The following XRN2 variants were observed in gnomAD, a reference collection of about 807,000 sequenced individuals.
XRN2 encodes the protein 5'-3' exoribonuclease 2.
XRN2 carries 44 observed loss-of-function variants against 138.5 expected under a neutral mutation model. The observed-to-expected ratio is 0.32, with a 90% CI of 0.25 to 0.41. The LOEUF is 0.41. Ranked by LOEUF, XRN2 falls within the 10% of genes least tolerant of loss-of-function variation. The probability of loss-of-function intolerance (pLI) is 1.00; values close to 1 mark genes in which losing one functional copy is unlikely to be tolerated. For missense variants in XRN2, 937 were observed against 1,169.3 expected (o/e 0.80, Z 2.90); for synonymous variants, 354 against 369.4 (o/e 0.96, Z 0.48).
At chr20:21,357,479 C>T (rs897668883) in intron 23 of XRN2, among the ~76,000 whole-genome samples, 1 of 152,066 alleles carries the variant, frequency 6.6e-6, no homozygotes, top group Non-Finnish European at 1.5e-5. Context: ...GGTGGATGCT[C>T]ATTGACATCT....
intron 9 of XRN2, 57 bp from the exon 10 acceptor site, chr20:21,333,487 G>A: frequency 6.3e-7 from 1 of 1,575,426 alleles, no homozygotes; most frequent in Non-Finnish European, 8.7e-7. Flanking sequence ...TTGCTTGGTT[G>A]GAAAAAATTA....
chr20:21,353,811 C>CCTGGG (rs2038543282), intron 20 of XRN2, among the ~76,000 whole-genome samples: 1 of 120,424 alleles, frequency 8.3e-6, no homozygotes, highest in African/African-American at 2.9e-5. Flanking sequence ...AAAAAAAAAA[C>CCTGGG]AACTGTTACT....
At chr20:21,359,896 C>T (rs1400495040) in intron 24 of XRN2, among the ~76,000 whole-genome samples, 2 of 151,780 alleles carry the variant, frequency 1.3e-5, no homozygotes, top group African/African-American at 2.4e-5. Flanking sequence ...TTTCCTCTTC[C>T]TTATTTAAAT....
At chr20:21,340,241 G>C (rs370951252) in intron 14 of XRN2, among the ~76,000 whole-genome samples, 34 of 152,246 alleles carry the variant, frequency 2.2e-4, no homozygotes, top group African/African-American at 8.2e-4. Flanking sequence ...GTTGCAGTGA[G>C]TGGAGATTGC....
At chr20:21,360,573 T>TAC (rs2038626862) in intron 24 of XRN2, among the ~76,000 whole-genome samples, 1 of 152,174 alleles carries the variant, frequency 6.6e-6, no homozygotes, top group Non-Finnish European at 1.5e-5. Flanking sequence ...CGTAAACTTT[T>TAC]TTCTTCAGAG....
chr20:21,328,728 G>A, intron 4 of XRN2, 58 bp downstream of exon 4: 1 of 1,493,122 alleles, frequency 6.7e-7, no homozygotes, highest in Non-Finnish European at 9.2e-7. Context: ...AGAATGAGGG[G>A]GTGGTGGCAA....
intron 27 of XRN2, 100 bp downstream of exon 27, chr20:21,368,690 G>A (rs1308384374): frequency 3.4e-6 from 5 of 1,470,702 alleles, no homozygotes; most frequent in Admixed American, 4.4e-5. Context: ...TTGTATCAGT[G>A]CAGACAGTGA....
At position 21,366,218 on chromosome 20, in the gene XRN2, T is replaced by TTA. The variant is rs533971795; in HGVS notation, c.2456+526_2456+527dup. 3.1e-3 allele frequency among the ~76,000 whole-genome samples: 398 copies of TTA among 127,768 alleles called. 5 individuals are homozygous for TTA. Among genetic ancestry groups the TTA allele is most frequent in the African/African-American group, 9.3e-3 (325 of 34,910 alleles). The allele number at this position is 127,768 out of a possible 152,430, so 83.8% of individuals were successfully genotyped here. A position where few individuals can be genotyped will look rare whatever the true frequency, so the allele number is the denominator to read the frequency against. On this transcript the variant is annotated intron_variant, in intron 26 of 29. Transcript: ENST00000377191. ...TTATAGTTTATATATATAATATAGTTTATATATATATATTATATATATAAA... is the reference window on the plus strand; with the variant it reads ...TTATAGTTTATATATATAATATAGTTTATATATATATATATTATATATATAAA...
In XRN2 at chr20:21,381,991, C is replaced by T. The variant is rs757764277; in HGVS notation, c.2585-3C>T. 1 of 1,603,130 alleles carries T rather than the reference C, an allele frequency of 6.2e-7. No individual in the cohort carries two copies. Among genetic ancestry groups the T allele is most frequent in the Non-Finnish European group, 8.5e-7 (1 of 1,174,932 alleles). On this transcript the variant is annotated splice_region_variant and splice_polypyrimidine_tract_variant and intron_variant, in intron 27 of 29. Transcript: ENST00000377191. The stretch of plus-strand genomic sequence containing the variant: ...TCTTAACCCTTTCCTGTTTCTTTTT[C>T]AGATATGAGGCCCCAGGATTCCTGG...
At chr20:21,369,408 T>C (rs1360856558) in intron 27 of XRN2, among the ~76,000 whole-genome samples, 1 of 152,230 alleles carries the variant, frequency 6.6e-6, no homozygotes, top group Non-Finnish European at 1.5e-5. Flanking sequence ...CGTACTGATT[T>C]CCCTGTTTTG....
chr20:21,349,594 T>C, intron 20 of XRN2, 133 bp downstream of exon 20: 2 of 768,780 alleles, frequency 2.6e-6, no homozygotes, highest in Non-Finnish European at 2.1e-6. Context: ...AATACAAAAA[T>C]TAGCCTGGCG....
Position 21,344,162 on chromosome 20 carries a change from A to G in XRN2, c.1483A>G (p.Lys495Glu). ...SPSPLGGIKR[K>E]AEDSDSEPEP... ...GTCTCCATTAGGAGGAATTAAGCGA[A>G]AAGCAGAAGACAGTGACAGTGAACC... Residue 495 changes from lysine (K) to glutamate (E), a missense_variant, in exon 16 of 30, where the codon AAA becomes GAA. Around this residue, in one of 6 missense-constraint regions of XRN2, gnomAD observed 471 missense variants for 581.2 expected, o/e 0.81. Transcript: ENST00000377191. 6.2e-7 allele frequency: 1 copy of G among 1,613,578 alleles called. No individual in the cohort carries two copies. The highest frequency in any genetic ancestry group is 8.5e-7 in the Non-Finnish European group (1 of 1,179,542).
chr20:21,345,237 T>C (rs2038421219), intron 16 of XRN2, among the ~76,000 whole-genome samples: 1 of 152,252 alleles, frequency 6.6e-6, no homozygotes, highest in Non-Finnish European at 1.5e-5. Context: ...TTGATTTGTT[T>C]AGTATTTTAT....
chr20:21,344,928 G>A (rs1048052084), intron 16 of XRN2, among the ~76,000 whole-genome samples: 3 of 152,088 alleles, frequency 2.0e-5, no homozygotes, highest in African/African-American at 4.8e-5. Flanking sequence ...TTAGGAAAAC[G>A]ATCTATTTCA....
intron 15 of XRN2, among the ~76,000 whole-genome samples, chr20:21,341,940 C>T (rs572531774): frequency 1.8e-4 from 27 of 151,940 alleles, no homozygotes; most frequent in Non-Finnish European, 3.1e-4. Context: ...TCTTCAGGCC[C>T]GGTAGTATTA....
chr20:21,385,392 C>G (rs2038927052), intron 28 of XRN2, among the ~76,000 whole-genome samples: 1 of 152,212 alleles, frequency 6.6e-6, no homozygotes, highest in African/African-American at 2.4e-5. Context: ...ACACGGAGCT[C>G]TTCTTGCTAA....
chr20:21,320,819 C>A (rs533397127), intron 1 of XRN2, among the ~76,000 whole-genome samples: 1 of 152,152 alleles, frequency 6.6e-6, no homozygotes, highest in East Asian at 1.9e-4. Flanking sequence ...TGATCTCGAA[C>A]TCCTAAATTG....
At chr20:21,388,929 C>A (rs2038961790) in intron 29 of XRN2, among the ~76,000 whole-genome samples, 1 of 152,166 alleles carries the variant, frequency 6.6e-6, no homozygotes, top group Admixed American at 6.5e-5. Flanking sequence ...GGGTATCTTA[C>A]CACAAAGTGA....
chr20:21,355,391 T>C (rs1035446108), intron 21 of XRN2, among the ~76,000 whole-genome samples: 1 of 152,182 alleles, frequency 6.6e-6, no homozygotes, highest in Non-Finnish European at 1.5e-5. Flanking sequence ...CTGGGCTCTA[T>C]TGAAAAATTT....
Sources: gnomAD v4.1 joint callset for allele counts (sites outside exome capture counted in the v4.1 genomes callset) on GRCh38, gnomAD v4.1.1 for gene constraint, gnomAD v4.1.1 regional missense constraint, MANE v1.5 for transcripts, NCBI Gene and HGNC (gene_info 2026-07-23, HGNC 2026-07-21) for gene names.